Variants in AK7 observed in about 807,000 individuals in gnomAD.
AK7 encodes the protein adenylate kinase 7.
In AK7, 78 loss-of-function variants were observed where a neutral mutation model predicts 96.6. That is an observed-to-expected ratio of 0.81 (90% CI 0.67 to 0.97). The LOEUF (loss-of-function observed/expected upper bound fraction) is 0.97. AK7 is among the 50% of genes least tolerant of loss of function. The probability of loss-of-function intolerance (pLI) is 0.00; values close to 1 mark genes in which losing one functional copy is unlikely to be tolerated. For missense variants in AK7, 855 were observed against 887.9 expected, an observed-to-expected ratio of 0.96 and a Z score of 0.47; for synonymous variants, 302 against 317.2, an observed-to-expected ratio of 0.95 and a Z score of 0.51.
chr14:96,418,644 G>A (rs1323133628), intron 4 of AK7, among the ~76,000 whole-genome samples: 1 of 151,848 alleles, frequency 6.6e-6, no homozygotes, highest in Non-Finnish European at 1.5e-5. Flanking sequence ...TCAGCCTCCC[G>A]AGTAGCTGGG....
At chr14:96,477,131 A>C (rs1479604910) in intron 14 of AK7, among the ~76,000 whole-genome samples, 1 of 152,268 alleles carries the variant, frequency 6.6e-6, no homozygotes, top group Non-Finnish European at 1.5e-5. Flanking sequence ...AATAGGAACA[A>C]CTTACTTGCG....
At chr14:96,447,786 A>G (rs1273910085) in intron 8 of AK7, among the ~76,000 whole-genome samples, 1 of 152,114 alleles carries the variant, frequency 6.6e-6, no homozygotes, top group Non-Finnish European at 1.5e-5. Flanking sequence ...CATTGTGCCC[A>G]GCATCAGGAG....
chr14:96,394,693 A>C (rs1889957041), intron 1 of AK7, among the ~76,000 whole-genome samples: 1 of 152,224 alleles, frequency 6.6e-6, no homozygotes, highest in African/African-American at 2.4e-5. Context: ...ATACAGATAC[A>C]GGCTGGGCAC....
intron 12 of AK7, 138 bp downstream of exon 12, chr14:96,458,350 C>G: frequency 8.6e-7 from 1 of 1,158,156 alleles, no homozygotes; most frequent in Non-Finnish European, 1.2e-6. Context: ...AATCCCAGCA[C>G]TTTGGGAGTC....
intron 5 of AK7, among the ~76,000 whole-genome samples, chr14:96,436,037 T>C (rs1378211080): frequency 6.6e-6 from 1 of 152,110 alleles, no homozygotes; most frequent in Non-Finnish European, 1.5e-5. Flanking sequence ...GTGTAGGTAG[T>C]TATTGTTGTC....
At chr14:96,408,758 T>A in intron 3 of AK7, 89 bp from the exon 4 acceptor site, 1 of 1,140,998 alleles carries the variant, frequency 8.8e-7, no homozygotes, top group Non-Finnish European at 1.3e-6. Context: ...TGGTGTTAAG[T>A]GGCTCCTACT....
At chr14:96,407,580 C>CTTTTTTTTTTTTT (rs11364736) in intron 3 of AK7, among the ~76,000 whole-genome samples, 3 of 60,306 alleles carry the variant, frequency 5.0e-5, no homozygotes, top group Admixed American at 2.0e-4. Context: ...TCTTTCTTTT[C>CTTTTTTTTTTTTT]TTTTTTTTTT....
intron 5 of AK7, among the ~76,000 whole-genome samples, chr14:96,431,034 C>T (rs1309852389): frequency 6.6e-6 from 1 of 151,848 alleles, no homozygotes; most frequent in Non-Finnish European, 1.5e-5. Flanking sequence ...TTATCCATTT[C>T]TTCTAGTTTA....
At chr14:96,444,862 C>T (rs555155337) in intron 7 of AK7, among the ~76,000 whole-genome samples, 32 of 152,096 alleles carry the variant, frequency 2.1e-4, no homozygotes, top group Non-Finnish European at 4.0e-4. Flanking sequence ...GGACTACAGG[C>T]GCCGGCCACC....
chr14:96,486,555 CAA>C (rs796168928), intron 16 of AK7, among the ~76,000 whole-genome samples: 32 of 151,626 alleles, frequency 2.1e-4, no homozygotes, highest in African/African-American at 7.5e-4. Context: ...TTATGATTCC[CAA>C]GAGAGAGGGT....
chr14:96,486,175 G>C (rs1257391167), intron 16 of AK7, among the ~76,000 whole-genome samples: 2 of 152,290 alleles, frequency 1.3e-5, no homozygotes, highest in East Asian at 3.9e-4. Flanking sequence ...GGGTAGGGCT[G>C]GCTTCAGGTG....
At chr14:96,448,093 C>T (rs1163880555) in intron 8 of AK7, among the ~76,000 whole-genome samples, 2 of 147,710 alleles carry the variant, frequency 1.4e-5, no homozygotes, top group Non-Finnish European at 3.0e-5. Context: ...TGTGTCATTG[C>T]ACACTAGCCT....
At chr14:96,468,004 A>AGGC (rs925908350) in intron 12 of AK7, among the ~76,000 whole-genome samples, 3 of 143,958 alleles carry the variant, frequency 2.1e-5, no homozygotes, top group Admixed American at 7.7e-5. Context: ...TGAGAGGCTG[A>AGGC]GGCAGGAAGA....
rs562369103 is a variant in AK7 at position 96,395,958 on chromosome 14, T to C, written c.106-2117T>C. On this transcript the variant is annotated intron_variant, in intron 1 of 17. Transcript: ENST00000267584. ...TCCCGAGTAGCTGGGATTACAGGCATGTGCCACCATGCCCAGCTAATTTTT... is the reference window on the plus strand; with the variant it reads ...TCCCGAGTAGCTGGGATTACAGGCACGTGCCACCATGCCCAGCTAATTTTT... Among the ~76,000 whole-genome samples, 55 of 151,828 alleles carry C rather than the reference T, an allele frequency of 3.6e-4. No individual in the cohort carries two copies. In the East Asian group the frequency reaches 0.01, roughly 28 times the overall value.
intron 12 of AK7, among the ~76,000 whole-genome samples, chr14:96,465,264 A>G (rs1043358811): frequency 2.6e-5 from 4 of 152,146 alleles, no homozygotes; most frequent in Non-Finnish European, 4.4e-5. Context: ...GATCAAGACC[A>G]TCCTAGCTAA....
At chr14:96,474,860 T>C (rs1895091244) in intron 14 of AK7, among the ~76,000 whole-genome samples, 1 of 152,260 alleles carries the variant, frequency 6.6e-6, no homozygotes, top group South Asian at 2.1e-4. Context: ...AGGCACTCAT[T>C]GAACCTTTCC....
At chr14:96,476,820 C>T (rs1401626614) in intron 14 of AK7, among the ~76,000 whole-genome samples, 5 of 152,156 alleles carry the variant, frequency 3.3e-5, no homozygotes, top group Non-Finnish European at 5.9e-5. Flanking sequence ...GAATCTTCCA[C>T]CTCCTGATCA....
At chr14:96,423,848 A>G in intron 5 of AK7, 1 of 821,838 alleles carries the variant, frequency 1.2e-6, no homozygotes, top group East Asian at 2.5e-5. Context: ...GTTGCTGAGG[A>G]TGGGCTCGTC....
rs141826517 is a variant in AK7, at chr14:96,450,550, G to A, written c.948+671G>A. On this transcript the variant is annotated intron_variant, in intron 9 of 17. Coordinates refer to ENST00000267584, the MANE Select transcript of AK7 (RefSeq NM_152327.5). The stretch of plus-strand genomic sequence containing the variant: ...CTTTCTAAAATTCAAAGCAGGCTGA[G>A]ATTCCAATTCCATCACAACAAAAAA... Among the ~76,000 whole-genome samples the A allele has an allele frequency of 3.5e-3, 513 of 148,674 alleles. 5 individuals are homozygous for A. Among genetic ancestry groups the A allele is most frequent in the African/African-American group, 0.012 (492 of 40,136 alleles).
Sources: gnomAD v4.1 joint callset for allele counts (sites outside exome capture counted in the v4.1 genomes callset) on GRCh38, gnomAD v4.1.1 for gene constraint, MANE v1.5 for transcripts, NCBI Gene and HGNC (gene_info 2026-07-23, HGNC 2026-07-21) for gene names.